PTPRD: variants seen among roughly 807,000 people sequenced by gnomAD.
PTPRD encodes the protein receptor-type tyrosine-protein phosphatase delta.
In PTPRD, 34 loss-of-function variants were observed where a neutral mutation model predicts 214.5. The ratio of observed to expected loss-of-function variants is 0.16; its 90% CI spans 0.12 to 0.21. PTPRD has a LOEUF of 0.21. Among genes scored for constraint, PTPRD ranks in the 10% least tolerant of loss-of-function variants. The probability of loss-of-function intolerance (pLI) is 1.00; values close to 1 mark genes in which losing one functional copy is unlikely to be tolerated. For missense variants in PTPRD, 2,545 were observed against 2,398.7 expected (o/e 1.06, Z -1.27); for synonymous variants, 1,128 against 845.7 (o/e 1.33, Z -5.79).
At chr9:9,097,987 G>T (rs192343341) in intron 10 of PTPRD, among the ~76,000 whole-genome samples, 23 of 152,144 alleles carry the variant, frequency 1.5e-4, no homozygotes, top group African/African-American at 5.1e-4. Flanking sequence ...ATTGGGATGT[G>T]ATAACTCAGT....
chr9:10,147,352 A>G (rs974706803), intron 3 of PTPRD, among the ~76,000 whole-genome samples: 1 of 152,064 alleles, frequency 6.6e-6, no homozygotes, highest in Non-Finnish European at 1.5e-5. Context: ...CCATGCTGGT[A>G]CCCAAATGAC....
intron 44 of PTPRD, among the ~76,000 whole-genome samples, chr9:8,326,596 G>C (rs1320821666): frequency 6.6e-6 from 1 of 151,528 alleles, no homozygotes; most frequent in Non-Finnish European, 1.5e-5. Flanking sequence ...AATGAGTTAG[G>C]AAGGAGTCCC....
chr9:9,559,879 C>A (rs2082458019), intron 8 of PTPRD, among the ~76,000 whole-genome samples: 1 of 152,152 alleles, frequency 6.6e-6, no homozygotes, highest in Non-Finnish European at 1.5e-5. Flanking sequence ...GCTGCCAATG[C>A]CAAGGTGCAG....
intron 5 of PTPRD, among the ~76,000 whole-genome samples, chr9:9,911,107 T>A (rs1214024294): frequency 6.6e-6 from 1 of 152,016 alleles, no homozygotes; most frequent in African/African-American, 2.4e-5. Context: ...GTTCTTTGGT[T>A]TATTGTGTGG....
At chr9:8,392,113 A>T (rs1228928953) in intron 36 of PTPRD, among the ~76,000 whole-genome samples, 1 of 152,054 alleles carries the variant, frequency 6.6e-6, no homozygotes, top group Non-Finnish European at 1.5e-5. Flanking sequence ...GGCAAAGTGT[A>T]GTAATTCATG....
chr9:9,651,254 T>G (rs1245498252), intron 7 of PTPRD, among the ~76,000 whole-genome samples: 1 of 152,146 alleles, frequency 6.6e-6, no homozygotes, highest in Non-Finnish European at 1.5e-5. Flanking sequence ...TTTTTTAAAC[T>G]TTTAAGTTCA....
intron 12 of PTPRD, among the ~76,000 whole-genome samples, chr9:8,698,441 G>T (rs1253785943): frequency 1.3e-5 from 2 of 152,162 alleles, no homozygotes; most frequent in Admixed American, 1.3e-4. Flanking sequence ...TGTAGCAAGT[G>T]TATCTCCTAT....
At chr9:8,427,268 A>T (rs1458162885) in intron 35 of PTPRD, among the ~76,000 whole-genome samples, 2 of 152,188 alleles carry the variant, frequency 1.3e-5, no homozygotes, top group African/African-American at 4.8e-5. Context: ...TTTCTGAGAG[A>T]AAAGAGCCTG....
chr9:9,456,954 C>A (rs1003984482), intron 8 of PTPRD, among the ~76,000 whole-genome samples: 2 of 151,788 alleles, frequency 1.3e-5, no homozygotes, highest in African/African-American at 4.8e-5. Context: ...TAAGACACCA[C>A]AATATCACAG....
chr9:10,322,861 C>T (rs2096576802), intron 3 of PTPRD, among the ~76,000 whole-genome samples: 1 of 151,958 alleles, frequency 6.6e-6, no homozygotes, highest in African/African-American at 2.4e-5. Context: ...GACTCCTCAT[C>T]TGGGAACAGG....
chr9:9,301,290 A>C (rs12156461), intron 9 of PTPRD, among the ~76,000 whole-genome samples: 20,654 of 151,834 alleles, frequency 0.14, 1,795 homozygotes, highest in Non-Finnish European at 0.19. Flanking sequence ...ATTTCATGCT[A>C]TTTTTAGCCA....
intron 8 of PTPRD, among the ~76,000 whole-genome samples, chr9:9,528,389 G>C (rs1033350879): frequency 6.6e-6 from 1 of 152,076 alleles, no homozygotes; most frequent in African/African-American, 2.4e-5. Flanking sequence ...AGCACCTTCA[G>C]AAGAATATTT....
chr9:9,036,661 T>C (rs1305568131), intron 10 of PTPRD, among the ~76,000 whole-genome samples: 1 of 152,154 alleles, frequency 6.6e-6, no homozygotes, highest in East Asian at 1.9e-4. Flanking sequence ...GGAGAATAGC[T>C]TAGACAAAGA....
At chr9:9,340,721 C>T (rs920801434) in intron 9 of PTPRD, among the ~76,000 whole-genome samples, 2 of 152,162 alleles carry the variant, frequency 1.3e-5, no homozygotes, top group Non-Finnish European at 2.9e-5. Context: ...TATTTCCTTA[C>T]TTATAGGAAT....
In PTPRD at chr9:8,518,036, C is replaced by G. The variant is rs2138499185; in HGVS notation, c.1355G>C (p.Arg452Thr). 6.2e-7 allele frequency: 1 copy of G among 1,614,178 alleles called. No individual in the cohort carries two copies. The highest frequency in any genetic ancestry group is 8.5e-7 in the Non-Finnish European group (1 of 1,180,024). The change falls in exon 21 of 46, where the codon AGA becomes ACA. Residue 452 changes from arginine to threonine, a missense_variant. Coordinates refer to ENST00000381196, the MANE Select transcript of PTPRD (RefSeq NM_002839.4). Reference sequence around the variant, plus strand: ...AGTGGGATCCATTGTATAATAAACTCTATATCCTTGGATCTGTCCATTTGG... The same window carrying G: ...AGTGGGATCCATTGTATAATAAACTGTATATCCTTGGATCTGTCCATTTGG... ...EEPNGQIQGY[R>T]VYYTMDPTQH...
rs1554816341 is a variant in PTPRD, at chr9:8,373,854, G to GTC, written c.4661+2081_4661+2082insGA. ...TATGTATGTATGTATGTATGTGTAT[G>GTC]TGTCTGTCTGTCTATCTATCTATCT... On this transcript the variant is annotated intron_variant, in intron 39 of 45. Coordinates refer to ENST00000381196, the MANE Select transcript of PTPRD (RefSeq NM_002839.4). 2.1e-3 allele frequency among the ~76,000 whole-genome samples: 268 copies of GTC among 129,200 alleles called. 5 individuals carry two copies. The highest frequency in any genetic ancestry group is 0.01 in the East Asian group (47 of 4,500). 84.8% of individuals were successfully genotyped at this position (129,200 alleles called of 152,430 possible). A position where few individuals can be genotyped will look rare whatever the true frequency, so the allele number is the denominator to read the frequency against.
intron 44 of PTPRD, among the ~76,000 whole-genome samples, chr9:8,330,089 C>T (rs559649181): frequency 1.7e-4 from 26 of 152,184 alleles, no homozygotes; most frequent in Middle Eastern, 3.4e-3. Flanking sequence ...TACTGTTCCT[C>T]GTGGTACAGT....
chr9:10,559,040 C>T (rs1234657385), intron 2 of PTPRD, among the ~76,000 whole-genome samples: 2 of 151,886 alleles, frequency 1.3e-5, no homozygotes, highest in African/African-American at 4.8e-5. Flanking sequence ...GGCTTGGAGA[C>T]AAGGTTAAGT....
chr9:10,383,909 T>C (rs1458423609), intron 2 of PTPRD, among the ~76,000 whole-genome samples: 4 of 151,686 alleles, frequency 2.6e-5, no homozygotes, highest in Non-Finnish European at 5.9e-5. Flanking sequence ...TTATCTATCT[T>C]AAGAATATTA....
Sources: gnomAD v4.1 joint callset for allele counts (sites outside exome capture counted in the v4.1 genomes callset) on GRCh38, gnomAD v4.1.1 for gene constraint, MANE v1.5 for transcripts, NCBI Gene and HGNC (gene_info 2026-07-23, HGNC 2026-07-21) for gene names.